Variants in TGFBR2 observed in about 807,000 individuals in gnomAD.
TGFBR2 encodes TGF-beta receptor type-2.
In TGFBR2, 18 loss-of-function variants were observed where a neutral mutation model predicts 49.0. That is an observed-to-expected ratio of 0.37 (90% CI 0.25 to 0.54). TGFBR2 has a LOEUF of 0.54. Ranked by LOEUF, TGFBR2 falls within the 20% of genes least tolerant of loss-of-function variation. The probability of loss-of-function intolerance (pLI) is 0.85; values close to 1 mark genes in which losing one functional copy is unlikely to be tolerated. For missense variants in TGFBR2, 525 were observed against 722.6 expected (o/e 0.73, Z 3.13); for synonymous variants, 282 against 275.9 (o/e 1.02, Z -0.22).
chr3:30,643,089 A>T (rs868506506), intron 1 of TGFBR2, among the ~76,000 whole-genome samples: 2 of 152,202 alleles, frequency 1.3e-5, no homozygotes, highest in Middle Eastern at 3.2e-3. Context: ...CCAAGCTACA[A>T]AGACAGTTGC....
In TGFBR2 at chr3:30,676,035, G is replaced by T. The variant is rs1247201553; in HGVS notation, c.1396+1789G>T. On this transcript the variant is annotated intron_variant, in intron 5 of 6. Coordinates refer to ENST00000295754, the MANE Select transcript of TGFBR2 (RefSeq NM_003242.6). This position sits in a 1 kb window ranked among gnomAD's most constrained non-coding sequence, Gnocchi z 4.3. ...ACCTTGACACTTGTAAAAAGTTTAA[G>T]ACAGTTATTTAGACGGTCTCTCACT... 6.6e-6 allele frequency among the ~76,000 whole-genome samples: 1 copy of T among 152,096 alleles called. No individual in the cohort carries two copies. The highest frequency in any genetic ancestry group is 2.4e-5 in the African/African-American group (1 of 41,422).
intron 1 of TGFBR2, among the ~76,000 whole-genome samples, chr3:30,618,256 A>C (rs1698164992): frequency 6.8e-6 from 1 of 147,134 alleles, no homozygotes; most frequent in African/African-American, 2.5e-5. Context: ...TTGAGATGGA[A>C]TCTCGCTCTG....
At chr3:30,623,868 G>T (rs992243357) in intron 1 of TGFBR2, among the ~76,000 whole-genome samples, 1 of 152,192 alleles carries the variant, frequency 6.6e-6, no homozygotes, top group East Asian at 1.9e-4. Flanking sequence ...GAGGTTGGGC[G>T]CTGTGGCTCA....
At chr3:30,656,076 A>G (rs1698990625) in intron 3 of TGFBR2, among the ~76,000 whole-genome samples, 2 of 152,104 alleles carry the variant, frequency 1.3e-5, no homozygotes, top group Non-Finnish European at 2.9e-5. Context: ...GGAACCAGAG[A>G]TGGAGGTCTT....
At chr3:30,651,288 C>A (rs992045607) in intron 3 of TGFBR2, among the ~76,000 whole-genome samples, 4 of 152,142 alleles carry the variant, frequency 2.6e-5, no homozygotes, top group Non-Finnish European at 5.9e-5. Context: ...TGCAACAGAT[C>A]ATCTGTATTG....
At chr3:30,610,033 A>G (rs1698000535) in intron 1 of TGFBR2, among the ~76,000 whole-genome samples, 1 of 152,110 alleles carries the variant, frequency 6.6e-6, no homozygotes, top group Admixed American at 6.6e-5. Context: ...TTTTTTCAGT[A>G]AGGTTAGTTT....
At chr3:30,684,474 T>G (rs1699592353) in intron 5 of TGFBR2, among the ~76,000 whole-genome samples, 1 of 152,194 alleles carries the variant, frequency 6.6e-6, no homozygotes, top group African/African-American at 2.4e-5. Context: ...CCATCCGTAC[T>G]CCTAATCTGA....
At chr3:30,675,427 C>T (rs1414800858) in intron 5 of TGFBR2, among the ~76,000 whole-genome samples, 2 of 150,868 alleles carry the variant, frequency 1.3e-5, no homozygotes, top group Non-Finnish European at 2.9e-5. Context: ...CGCTCTGTCA[C>T]CCAGGCTGGA....
At chr3:30,681,689 C>T (rs1319311459) in intron 5 of TGFBR2, among the ~76,000 whole-genome samples, 1 of 152,176 alleles carries the variant, frequency 6.6e-6, no homozygotes, top group Non-Finnish European at 1.5e-5. Flanking sequence ...CCGTTTGAGG[C>T]ACTCAGGGAA....
intron 1 of TGFBR2, among the ~76,000 whole-genome samples, chr3:30,629,182 A>G (rs908796476): frequency 6.6e-6 from 1 of 152,246 alleles, no homozygotes; most frequent in Non-Finnish European, 1.5e-5. Context: ...TCCTGGCCAC[A>G]TGTGGCTATT....
chr3:30,622,982 A>G (rs934162928), intron 1 of TGFBR2, among the ~76,000 whole-genome samples: 1 of 152,000 alleles, frequency 6.6e-6, no homozygotes, highest in Non-Finnish European at 1.5e-5. Flanking sequence ...GAATAATTTC[A>G]GTATGATTGA....
intron 1 of TGFBR2, among the ~76,000 whole-genome samples, chr3:30,621,291 T>TTG (rs1698226209): frequency 1.3e-5 from 2 of 149,634 alleles, no homozygotes; most frequent in Non-Finnish European, 3.0e-5. Context: ...TTTTTTTTTT[T>TTG]TTTTTTGAGA....
intron 6 of TGFBR2, among the ~76,000 whole-genome samples, chr3:30,689,021 T>A (rs749300610): frequency 6.6e-6 from 1 of 152,024 alleles, no homozygotes; most frequent in South Asian, 2.1e-4. Flanking sequence ...GAGGCCTGAG[T>A]GAGCACGCGT....
intron 1 of TGFBR2, among the ~76,000 whole-genome samples, chr3:30,621,734 G>A (rs141158480): frequency 3.3e-5 from 5 of 152,296 alleles, no homozygotes; most frequent in South Asian, 2.1e-4. Flanking sequence ...TGGTGAGGAC[G>A]TTTGTGGTAA....
intron 1 of TGFBR2, among the ~76,000 whole-genome samples, chr3:30,624,707 T>A (rs1698300964): frequency 6.6e-6 from 1 of 152,240 alleles, no homozygotes; most frequent in Non-Finnish European, 1.5e-5. Flanking sequence ...TTTCTACTAC[T>A]AGCTTTATAT....
chr3:30,671,555 G>A (rs571880533), intron 3 of TGFBR2, 83 bp from the exon 4 acceptor site: 1 of 1,362,008 alleles, frequency 7.3e-7, no homozygotes, highest in South Asian at 1.2e-5. Flanking sequence ...AAAATCTATA[G>A]ATGCTCAGGC....
At chr3:30,678,374 C>T (rs982174293) in intron 5 of TGFBR2, among the ~76,000 whole-genome samples, 3 of 151,802 alleles carry the variant, frequency 2.0e-5, no homozygotes, top group Non-Finnish European at 2.9e-5. Context: ...GGTGAAACCC[C>T]GTCTCTACTA....
intron 3 of TGFBR2, among the ~76,000 whole-genome samples, chr3:30,667,594 T>G (rs1243441560): frequency 6.6e-6 from 1 of 152,214 alleles, no homozygotes; most frequent in African/African-American, 2.4e-5. Context: ...ACTGGGGATT[T>G]CTAGAATCTT....
In TGFBR2 at chr3:30,693,485, G is replaced by A. The variant is rs11466535; in HGVS notation, c.*1886G>A. The A allele has an allele frequency of 2.1e-5, 5 of 233,498 alleles. No individual in the cohort carries two copies. In the Admixed American group the frequency reaches 2.8e-4, roughly 13 times the overall value. 14.5% of individuals were successfully genotyped at this position (233,498 alleles called of 1,614,324 possible). On this transcript the variant is annotated 3_prime_UTR_variant, in exon 7 of 7. Coordinates refer to ENST00000295754, the MANE Select transcript of TGFBR2 (RefSeq NM_003242.6). ...CAAATAGGAATATTAGAGAGGGACT[G>A]GTAGTGAGAATATCAGCTCTGTTTG...
Sources: allele counts gnomAD v4.1 joint callset (sites outside exome capture counted in the v4.1 genomes callset), GRCh38; gene constraint gnomAD v4.1.1; non-coding constraint Gnocchi (gnomAD v3.1); transcripts MANE v1.5; gene names NCBI Gene and HGNC (gene_info 2026-07-23, HGNC 2026-07-21).